The following TENM1 variants were observed in gnomAD, a reference collection of about 807,000 sequenced individuals.
TENM1 encodes teneurin-1.
TENM1 carries 35 observed loss-of-function variants against 174.8 expected under a neutral mutation model. That is an observed-to-expected ratio of 0.20 (90% CI 0.15 to 0.27). The LOEUF (loss-of-function observed/expected upper bound fraction) is 0.27, where lower values mean the gene tolerates loss of function less well. Among genes scored for constraint, TENM1 ranks in the 10% least tolerant of loss-of-function variants. The pLI, the probability that TENM1 is intolerant of heterozygous loss-of-function variation, is 1.00. For missense variants in TENM1, 1,633 were observed against 2,130.1 expected, an observed-to-expected ratio of 0.77 and a Z score of 4.59; for synonymous variants, 781 against 798.7, an observed-to-expected ratio of 0.98 and a Z score of 0.37.
At chrX:124,546,101 G>C (rs1039416870) in intron 15 of TENM1, among the ~76,000 whole-genome samples, 1 of 111,677 alleles carries the variant, frequency 9.0e-6, no homozygotes, top group Non-Finnish European at 1.9e-5. Flanking sequence ...GGCTGCAACT[G>C]AGGGAGTGGG....
rs150570681 is a variant in TENM1, at chrX:124,420,600, T to C, written c.4693A>G (p.Asn1565Asp). 72 of 1,210,857 alleles carry C rather than the reference T, an allele frequency of 5.9e-5. No homozygotes were observed. The highest frequency in any genetic ancestry group is 7.4e-5 in the Non-Finnish European group (66 of 895,451). ...TAAACATAGTCCCTTGTTATCAAGT[T>C]CAGGGTGTGTAGGTGGGTTCCATTT... Residue 1565 changes from asparagine to aspartate, a missense_variant, in exon 25 of 32, where the codon AAC becomes GAC. This residue lies in a region of TENM1 where 807 missense variants were observed against 1,125.3 expected (regional missense o/e 0.72). Coordinates refer to ENST00000422452, the Ensembl canonical transcript of TENM1.
chrX:124,494,978 T>G (rs1337175234), intron 20 of TENM1, among the ~76,000 whole-genome samples: 1 of 96,438 alleles, frequency 1.0e-5, no homozygotes, highest in Non-Finnish European at 2.1e-5. Flanking sequence ...AACATACGTG[T>G]GCATGTGTCT....
intron 3 of TENM1, among the ~76,000 whole-genome samples, chrX:124,836,013 G>A (rs890172487): frequency 2.7e-5 from 3 of 111,721 alleles, no homozygotes; most frequent in African/African-American, 9.8e-5. Context: ...GTGGACCACA[G>A]GTGGCTTAGT....
At chrX:125,122,596 T>C in the TENM1 span, among the ~76,000 whole-genome samples, 1 of 112,045 alleles carries the variant, frequency 8.9e-6, no homozygotes, top group South Asian at 3.7e-4. Flanking sequence ...AACAACTTGA[T>C]ACCTACTCAT....
the TENM1 span, among the ~76,000 whole-genome samples, chrX:125,139,465 G>C: frequency 9.0e-5 from 10 of 111,634 alleles, no homozygotes; most frequent in African/African-American, 2.3e-4. Context: ...GTGGTGTCTA[G>C]AAGCAAAGCA....
At position 124,592,434 on chromosome X, in the gene TENM1, G is replaced by GTT. The variant is rs751493445; in HGVS notation, c.2078-26876_2078-26875dup. 1.2e-3 allele frequency among the ~76,000 whole-genome samples: 99 copies of GTT among 85,438 alleles called. 2 individuals carry two copies. Among genetic ancestry groups the GTT allele is most frequent in the Middle Eastern group, 5.7e-3 (1 of 174 alleles). The allele number at this position is 85,438 out of a possible 115,157, so 74.2% of individuals were successfully genotyped here. ...TCATTCTTTACCTATAATATTATTG[G>GTT]TTTTTTTTTTTTTTTTTTTGAGACA... On this transcript the variant is annotated intron_variant, in intron 11 of 31. Coordinates refer to ENST00000422452, the Ensembl canonical transcript of TENM1.
chrX:124,782,033 TC>T (rs1569441921), intron 3 of TENM1, among the ~76,000 whole-genome samples: 1 of 111,071 alleles, frequency 9.0e-6, no homozygotes, highest in East Asian at 2.8e-4. Context: ...AATAAAATCT[TC>T]CACTCATGAT....
At position 124,653,453 on chromosome X, in the gene TENM1, A is replaced by G. The variant is rs746168075; in HGVS notation, c.1368+131T>C. The G allele has an allele frequency of 1.2e-5, 6 of 482,683 alleles. No individual in the cohort carries two copies. The South Asian group carries it at 1.4e-4, about 11-fold the overall frequency. 39.8% of individuals were successfully genotyped at this position (482,683 alleles called of 1,213,427 possible). ...ATTAGTTTCAGTGTAATTATTCTGGATATTTATTCATGACAAATATTTTTC... is the reference window on the plus strand; with the variant it reads ...ATTAGTTTCAGTGTAATTATTCTGGGTATTTATTCATGACAAATATTTTTC... On this transcript the variant is annotated intron_variant, in intron 7 of 31. Coordinates refer to ENST00000422452, the Ensembl canonical transcript of TENM1.
chrX:124,931,533 G>C (rs1223853695), intron 1 of TENM1, among the ~76,000 whole-genome samples: 1 of 111,268 alleles, frequency 9.0e-6, no homozygotes, highest in African/African-American at 3.3e-5. Flanking sequence ...GAAAAGGGTA[G>C]GATGACTCTT....
chrX:124,407,680 C>T (rs2060478666), intron 25 of TENM1, among the ~76,000 whole-genome samples: 1 of 112,698 alleles, frequency 8.9e-6, no homozygotes, highest in Non-Finnish European at 1.9e-5. Context: ...ATAGGACAGA[C>T]TTGAACTTGA....
chrX:124,997,030 A>G, the TENM1 span, among the ~76,000 whole-genome samples: 7 of 111,617 alleles, frequency 6.3e-5, no homozygotes, highest in Non-Finnish European at 1.3e-4. Context: ...CTAAAGTACA[A>G]TGGGGAAGGC....
chrX:124,528,675 A>G (rs760595390), intron 16 of TENM1, among the ~76,000 whole-genome samples: 1 of 109,904 alleles, frequency 9.1e-6, no homozygotes, highest in Admixed American at 9.7e-5. Flanking sequence ...ATATATATAT[A>G]TACACACACA....
chrX:124,695,596 C>G (rs1394866993), intron 5 of TENM1, among the ~76,000 whole-genome samples: 1 of 111,223 alleles, frequency 9.0e-6, no homozygotes, highest in African/African-American at 3.3e-5. Context: ...TATTTCTTTC[C>G]TACCTACTCA....
chrX:124,800,805 G>C (rs1603212636), intron 3 of TENM1, among the ~76,000 whole-genome samples: 1 of 111,793 alleles, frequency 8.9e-6, no homozygotes, highest in Admixed American at 9.5e-5. Context: ...TTGTCTCTTT[G>C]TTCTAATAGG....
intron 3 of TENM1, among the ~76,000 whole-genome samples, chrX:124,814,633 C>T (rs1273865917): frequency 9.0e-6 from 1 of 111,474 alleles, no homozygotes. Context: ...GCTGCAATGT[C>T]CCATATTCAG....
chrX:125,056,457 T>C, the TENM1 span, among the ~76,000 whole-genome samples: 1 of 111,479 alleles, frequency 9.0e-6, no homozygotes, highest in African/African-American at 3.3e-5. Flanking sequence ...AAATAATAGA[T>C]TTTTTAATGA....
intron 23 of TENM1, among the ~76,000 whole-genome samples, chrX:124,447,190 G>C (rs1212132803): frequency 4.5e-5 from 5 of 111,720 alleles, no homozygotes; most frequent in Non-Finnish European, 7.5e-5. Context: ...TCTAGCTGAA[G>C]ATGGCCCATG....
intron 5 of TENM1, among the ~76,000 whole-genome samples, chrX:124,682,827 G>C (rs760227936): frequency 1.8e-5 from 2 of 110,997 alleles, no homozygotes; most frequent in East Asian, 5.6e-4. Flanking sequence ...ATCTAGGTCA[G>C]AAAACTGTTA....
At chrX:124,935,137 A>G (rs2147731242) in intron 1 of TENM1, among the ~76,000 whole-genome samples, 1 of 107,538 alleles carries the variant, frequency 9.3e-6, no homozygotes, top group South Asian at 4.3e-4. Context: ...ATTATTGATG[A>G]TTTGGACAGT....
Sources: gnomAD v4.1 joint callset for allele counts (sites outside exome capture counted in the v4.1 genomes callset) on GRCh38, gnomAD v4.1.1 for gene constraint, gnomAD v4.1.1 regional missense constraint, MANE v1.5 for transcripts, NCBI Gene and HGNC (gene_info 2026-07-23, HGNC 2026-07-21) for gene names.